The following PCDH9 variants were observed in gnomAD, a reference collection of about 807,000 sequenced individuals.
PCDH9 encodes the protein protocadherin-9.
PCDH9 carries 24 observed loss-of-function variants against 70.6 expected under a neutral mutation model. The observed-to-expected ratio is 0.34, with a 90% CI of 0.25 to 0.48. The LOEUF is 0.48. PCDH9 is among the 20% of genes least tolerant of loss of function. The pLI is 0.99. For missense variants in PCDH9, 1,281 were observed against 1,503.6 expected (o/e 0.85, Z 2.45); for synonymous variants, 562 against 558.5 (o/e 1.01, Z -0.09).
At chr13:66,583,349 A>T (rs945492686) in intron 4 of PCDH9, among the ~76,000 whole-genome samples, 3 of 152,120 alleles carry the variant, frequency 2.0e-5, no homozygotes, top group Non-Finnish European at 4.4e-5. Flanking sequence ...ATGGTGGCTC[A>T]CGCCTGTAAT....
intron 4 of PCDH9, among the ~76,000 whole-genome samples, chr13:66,408,297 C>A (rs930946872): frequency 6.6e-6 from 1 of 152,146 alleles, no homozygotes; most frequent in Non-Finnish European, 1.5e-5. Flanking sequence ...CAGCAGGGAT[C>A]ACTTTTGAAG....
chr13:67,169,169 T>C (rs1273904871), intron 2 of PCDH9, among the ~76,000 whole-genome samples: 2 of 152,224 alleles, frequency 1.3e-5, no homozygotes, highest in Admixed American at 6.5e-5. Flanking sequence ...CAGTTATATT[T>C]GTAACACAAA....
chr13:66,631,478 CA>C, intron 3 of PCDH9, 67 bp from the exon 4 acceptor site: 1 of 872,830 alleles, frequency 1.1e-6, no homozygotes, highest in South Asian at 1.4e-5. Context: ...TAGTGGAACA[CA>C]AAATCAAAAC....
At chr13:66,717,866 T>C (rs1380881333) in intron 3 of PCDH9, among the ~76,000 whole-genome samples, 2 of 152,186 alleles carry the variant, frequency 1.3e-5, no homozygotes, top group African/African-American at 4.8e-5. Flanking sequence ...TATGTATCTA[T>C]TTATTTACAC....
At chr13:66,736,389 C>A (rs766027608) in intron 3 of PCDH9, among the ~76,000 whole-genome samples, 22 of 152,168 alleles carry the variant, frequency 1.4e-4, no homozygotes, top group Non-Finnish European at 2.5e-4. Context: ...GAGGAAAGAA[C>A]ATGTGAGGAC....
intron 4 of PCDH9, among the ~76,000 whole-genome samples, chr13:66,623,281 T>G (rs958612199): frequency 6.6e-6 from 1 of 152,232 alleles, no homozygotes. Flanking sequence ...TGTCCTATAA[T>G]TAAAAATGCA....
intron 2 of PCDH9, among the ~76,000 whole-genome samples, chr13:66,933,366 G>A (rs1326235223): frequency 6.6e-6 from 1 of 152,156 alleles, no homozygotes; most frequent in African/African-American, 2.4e-5. Context: ...AACAAGGTAA[G>A]TAAATGTTTT....
At chr13:66,361,604 C>G (rs905430977) in intron 4 of PCDH9, among the ~76,000 whole-genome samples, 2 of 151,746 alleles carry the variant, frequency 1.3e-5, no homozygotes, top group Admixed American at 1.3e-4. Flanking sequence ...AAATTGAGCT[C>G]CTGAAATAAT....
At position 67,056,217 on chromosome 13, in the gene PCDH9, G is replaced by A. The variant is rs1046478438; in HGVS notation, c.3037-152612C>T. On this transcript the variant is annotated intron_variant, in intron 2 of 4. Coordinates refer to ENST00000377865, the MANE Select transcript of PCDH9 (RefSeq NM_203487.3). Reference sequence around the variant, plus strand: ...TTATTTAACAGTCAAGTGCTTATTTGTGTAGAAGAATGTTTGGCACTTAAA... The same window carrying A: ...TTATTTAACAGTCAAGTGCTTATTTATGTAGAAGAATGTTTGGCACTTAAA... 3.0e-4 allele frequency among the ~76,000 whole-genome samples: 46 copies of A among 152,258 alleles called. 1 individual carries two copies. Among genetic ancestry groups the A allele is most frequent in the African/African-American group, 1.1e-3 (45 of 41,564 alleles).
chr13:66,392,073 T>A (rs1406579127), intron 4 of PCDH9, among the ~76,000 whole-genome samples: 1 of 151,902 alleles, frequency 6.6e-6, no homozygotes, highest in Non-Finnish European at 1.5e-5. Flanking sequence ...GAGAGAAATT[T>A]CAAATCACTG....
intron 4 of PCDH9, among the ~76,000 whole-genome samples, chr13:66,337,287 G>A (rs1212047445): frequency 6.6e-6 from 1 of 151,852 alleles, no homozygotes; most frequent in Non-Finnish European, 1.5e-5. Flanking sequence ...TTATCAACAA[G>A]ATTGCCCTGA....
chr13:66,562,317 A>T (rs917461566), intron 4 of PCDH9, among the ~76,000 whole-genome samples: 4 of 152,170 alleles, frequency 2.6e-5, no homozygotes, highest in Admixed American at 2.6e-4. Flanking sequence ...CACATCATTA[A>T]ACCTTTAGAG....
chr13:66,448,750 A>G (rs1019978621), intron 4 of PCDH9, among the ~76,000 whole-genome samples: 1 of 152,232 alleles, frequency 6.6e-6, no homozygotes, highest in African/African-American at 2.4e-5. Flanking sequence ...TTGCTTGTAA[A>G]AGAAATAACT....
chr13:66,503,451 C>A (rs934121727), intron 4 of PCDH9, among the ~76,000 whole-genome samples: 2 of 152,134 alleles, frequency 1.3e-5, no homozygotes, highest in African/African-American at 4.8e-5. Flanking sequence ...TTCTATGTAA[C>A]TTTAAATAAT....
chr13:66,644,578 C>T (rs1463733632), intron 3 of PCDH9, among the ~76,000 whole-genome samples: 4 of 151,844 alleles, frequency 2.6e-5, no homozygotes, highest in Non-Finnish European at 5.9e-5. Context: ...AGCTTGTGTG[C>T]ATGCATGCAT....
At chr13:66,909,507 C>T (rs891018290) in intron 2 of PCDH9, among the ~76,000 whole-genome samples, 5 of 152,024 alleles carry the variant, frequency 3.3e-5, no homozygotes, top group African/African-American at 4.8e-5. Context: ...CAGTGGCTCA[C>T]GCCTGTAATC....
intron 2 of PCDH9, among the ~76,000 whole-genome samples, chr13:67,181,224 G>A (rs974594281): frequency 6.6e-6 from 1 of 152,088 alleles, no homozygotes; most frequent in Non-Finnish European, 1.5e-5. Context: ...ATTTATTATT[G>A]AAATTTAAGT....
chr13:67,179,388 G>T (rs1022732406), intron 2 of PCDH9, among the ~76,000 whole-genome samples: 1 of 152,072 alleles, frequency 6.6e-6, no homozygotes, highest in African/African-American at 2.4e-5. Flanking sequence ...AAAGGTGCTT[G>T]TCATAGAGTC....
intron 3 of PCDH9, among the ~76,000 whole-genome samples, chr13:66,718,916 AT>A (rs1361791542): frequency 2.6e-5 from 4 of 152,184 alleles, no homozygotes; most frequent in Non-Finnish European, 4.4e-5. Context: ...CAGACATGGG[AT>A]TGTTCCAAGT....
Sources: gnomAD v4.1 joint callset for allele counts (sites outside exome capture counted in the v4.1 genomes callset) on GRCh38, gnomAD v4.1.1 for gene constraint, MANE v1.5 for transcripts, NCBI Gene and HGNC (gene_info 2026-07-23, HGNC 2026-07-21) for gene names.